EFR3B: variants seen among roughly 807,000 people sequenced by gnomAD.
EFR3B encodes the protein protein EFR3 homolog B.
A neutral mutation model predicts 104.7 loss-of-function variants in EFR3B; 64 were observed. The observed-to-expected ratio is 0.61, with a 90% CI of 0.50 to 0.75. The LOEUF is 0.75. Among genes scored for constraint, EFR3B ranks in the 30% least tolerant of loss-of-function variants. The probability of loss-of-function intolerance (pLI) is 0.00; values close to 1 mark genes in which losing one functional copy is unlikely to be tolerated. For synonymous variants in EFR3B, 385 were observed against 417.9 expected, an observed-to-expected ratio of 0.92 and a Z score of 0.96; for missense variants, 750 against 1,078.5, an observed-to-expected ratio of 0.70 and a Z score of 4.27.
At chr2:25,152,840 GTGTA>G (rs993186765) in intron 21 of EFR3B, among the ~76,000 whole-genome samples, 2 of 88,860 alleles carry the variant, frequency 2.3e-5, no homozygotes, top group African/African-American at 6.2e-5. Flanking sequence ...GTGTGTGTGT[GTGTA>G]TATAAAACAC....
rs1291495150 is a variant in EFR3B at position 25,151,830 on chromosome 2, C to T, written c.2192-84C>T. Reference sequence around the variant, plus strand: ...AGAAGAGGGGAGAGCCCAAGCAATGCTCATGGACAGTGCTCCCTGGAGGAG... The same window carrying T: ...AGAAGAGGGGAGAGCCCAAGCAATGTTCATGGACAGTGCTCCCTGGAGGAG... On this transcript the variant is annotated intron_variant, in intron 20 of 22. Coordinates refer to ENST00000403714, the MANE Select transcript of EFR3B (RefSeq NM_014971.2). 2.8e-6 allele frequency: 4 copies of T among 1,440,204 alleles called. No homozygotes were observed. The Admixed American group carries it at 6.0e-5, about 22-fold the overall frequency. 89.2% of individuals were successfully genotyped at this position (1,440,204 alleles called of 1,614,324 possible).
At chr2:25,107,360 T>G (rs1408701468) in intron 4 of EFR3B, among the ~76,000 whole-genome samples, 2 of 152,164 alleles carry the variant, frequency 1.3e-5, no homozygotes, top group African/African-American at 4.8e-5. Flanking sequence ...CTCCCTGAAT[T>G]GGCATAGCAC....
At chr2:25,081,525 T>C (rs1668806466) in intron 1 of EFR3B, 1 of 1,153,468 alleles carries the variant, frequency 8.7e-7, no homozygotes, top group Non-Finnish European at 1.3e-6. Context: ...TGTATTCATG[T>C]AGTGAGAGAT....
intron 4 of EFR3B, among the ~76,000 whole-genome samples, chr2:25,106,944 G>A (rs757670072): frequency 2.0e-5 from 3 of 152,126 alleles, no homozygotes; most frequent in Non-Finnish European, 2.9e-5. Context: ...TTTGCTGCCA[G>A]GAAATCAAAA....
intron 12 of EFR3B, among the ~76,000 whole-genome samples, chr2:25,134,618 G>A (rs4665764): frequency 6.6e-6 from 1 of 151,234 alleles, no homozygotes; most frequent in Non-Finnish European, 1.5e-5. Flanking sequence ...GAACTCCCCC[G>A]ACCCCGCCGC....
Position 25,042,099 on chromosome 2 carries a change from G to C in EFR3B, c.-214G>C. On this transcript the variant is annotated 5_prime_UTR_variant, in exon 1 of 23. Coordinates refer to ENST00000403714, the MANE Select transcript of EFR3B (RefSeq NM_014971.2). This position sits in a 1 kb window ranked among gnomAD's most constrained non-coding sequence, Gnocchi z 5.4. ...GCAGCAGTGCCCAGCAACCCGAGCG[G>C]AGGCGGCCGCTGCAGCCCGGCGCTG... 1 of 326,720 alleles carries C rather than the reference G, an allele frequency of 3.1e-6. No homozygotes were observed. Among genetic ancestry groups the C allele is most frequent in the Non-Finnish European group, 5.4e-6 (1 of 184,802 alleles). 20.2% of individuals were successfully genotyped at this position (326,720 alleles called of 1,614,324 possible). A position where few individuals can be genotyped will look rare whatever the true frequency, so the allele number is the denominator to read the frequency against.
At chr2:25,089,564 C>T (rs1336194497) in intron 1 of EFR3B, among the ~76,000 whole-genome samples, 2 of 152,182 alleles carry the variant, frequency 1.3e-5, no homozygotes, top group Non-Finnish European at 2.9e-5. Context: ...TGGAAAGACA[C>T]ATCCTGGCAG....
Position 25,137,446 on chromosome 2 carries a change from G to A in EFR3B, c.1666G>A (p.Glu556Lys), listed in dbSNP as rs893685982. Reference protein sequence around the residue: ...LYGLLALISIELANEEVVVDL... With the variant: ...LYGLLALISIKLANEEVVVDL... ...TGGCTTGCTGGCCCTCATCAGCATC[G>A]AGCTGGCTAACGAGGAGGTGGTGGT... The change falls in exon 15 of 23, where the codon GAG (glutamate) becomes AAG (lysine). Residue 556 changes from glutamate to lysine, a missense_variant. Glu to Lys is a moderately conservative substitution (Grantham distance 56, BLOSUM62 1). Transcript: ENST00000403714. The surrounding 1 kb of genome is among the most constrained non-coding windows in gnomAD (Gnocchi z 4.7). 4.5e-6 allele frequency: 7 copies of A among 1,551,732 alleles called. No individual in the cohort carries two copies. The highest frequency in any genetic ancestry group is 1.2e-5 in the South Asian group (1 of 84,056).
chr2:25,059,835 A>G (rs1668137003), intron 1 of EFR3B, among the ~76,000 whole-genome samples: 1 of 140,012 alleles, frequency 7.1e-6, no homozygotes, highest in Non-Finnish European at 1.5e-5. Context: ...AGATCGCGCC[A>G]TTGCACTCCA....
chr2:25,052,535 T>G (rs999095350), intron 1 of EFR3B, among the ~76,000 whole-genome samples: 10 of 132,438 alleles, frequency 7.6e-5, no homozygotes, highest in Admixed American at 3.4e-4. Context: ...GGAGTCTCGC[T>G]CTGTCGCCCA....
Position 25,159,063 on chromosome 2 carries a change from T to TA in EFR3B, c.*4724dup, listed in dbSNP as rs577757938. 6.0e-4 allele frequency: 91 copies of TA among 152,360 alleles called. No homozygotes were observed. The highest frequency in any genetic ancestry group is 2.1e-3 in the African/African-American group (87 of 41,586). The allele number at this position is 152,360 out of a possible 1,614,324, so 9.4% of individuals were successfully genotyped here. The stretch of plus-strand genomic sequence containing the variant: ...AAGGATTCTTAGCAAAATCATTCTC[T>TA]AGGACTATTAGTCGCGATCTCCCAG... On this transcript the variant is annotated 3_prime_UTR_variant, in exon 23 of 23. Coordinates refer to ENST00000403714, the MANE Select transcript of EFR3B (RefSeq NM_014971.2).
At chr2:25,110,914 C>T (rs2149195586) in intron 4 of EFR3B, among the ~76,000 whole-genome samples, 1 of 152,320 alleles carries the variant, frequency 6.6e-6, no homozygotes, top group African/African-American at 2.4e-5. Flanking sequence ...GCTTCGCAAC[C>T]TCTCTCTGCC....
chr2:25,085,989 T>G (rs1221122003), intron 1 of EFR3B, among the ~76,000 whole-genome samples: 3 of 152,038 alleles, frequency 2.0e-5, no homozygotes, highest in African/African-American at 2.4e-5. Context: ...ATGTACTTTT[T>G]CTTTTTAAGA....
intron 20 of EFR3B, 116 bp downstream of exon 20, chr2:25,149,858 T>A (rs1670952542): frequency 3.2e-6 from 3 of 930,336 alleles, no homozygotes; most frequent in Non-Finnish European, 5.1e-6. Context: ...AGCACCTGCG[T>A]GAAGGGAGAG....
chr2:25,132,763 G>C, intron 10 of EFR3B, 140 bp from the exon 11 acceptor site: 2 of 690,590 alleles, frequency 2.9e-6, no homozygotes, highest in Non-Finnish European at 5.0e-6. Context: ...AATCACACCC[G>C]GGCTATCCTG....
chr2:25,064,531 G>A (rs751731696), intron 1 of EFR3B, among the ~76,000 whole-genome samples: 10 of 152,142 alleles, frequency 6.6e-5, no homozygotes, highest in Non-Finnish European at 1.0e-4. Flanking sequence ...CCCAAATCCT[G>A]ATTTCTAACA....
intron 4 of EFR3B, among the ~76,000 whole-genome samples, chr2:25,115,267 G>T (rs1043457123): frequency 5.3e-5 from 8 of 152,150 alleles, no homozygotes; most frequent in African/African-American, 1.9e-4. Flanking sequence ...GGCTGGAGTG[G>T]CTCAGAAATC....
intron 3 of EFR3B, among the ~76,000 whole-genome samples, chr2:25,102,212 T>C (rs1021762182): frequency 2.6e-5 from 4 of 152,100 alleles, no homozygotes; most frequent in South Asian, 2.1e-4. Context: ...ACAAATGAGA[T>C]TGTTATCTTC....
chr2:25,113,585 A>G (rs560443038), intron 4 of EFR3B, among the ~76,000 whole-genome samples: 322 of 151,704 alleles, frequency 2.1e-3, no homozygotes, highest in African/African-American at 7.6e-3. Context: ...GGAGAATGGC[A>G]TGAACCTGGG....
Sources: gnomAD v4.1 joint callset for allele counts (sites outside exome capture counted in the v4.1 genomes callset) on GRCh38, gnomAD v4.1.1 for gene constraint, Gnocchi (gnomAD v3.1) non-coding constraint, MANE v1.5 for transcripts, NCBI Gene and HGNC (gene_info 2026-07-23, HGNC 2026-07-21) for gene names.